The following PLEKHA3 variants were observed in gnomAD, a reference collection of about 807,000 sequenced individuals.
The protein encoded by PLEKHA3 is pleckstrin homology domain containing A3.
PLEKHA3 carries 19 observed loss-of-function variants against 39.2 expected under a neutral mutation model. The observed-to-expected ratio is 0.48, with a 90% confidence interval of 0.34 to 0.71. PLEKHA3 has a LOEUF of 0.71. PLEKHA3 is among the 30% of genes least tolerant of loss of function. PLEKHA3 has a pLI of 0.01. For synonymous variants in PLEKHA3, 97 were observed against 118.6 expected (o/e 0.82, Z 1.18); for missense variants, 253 against 359.5 (o/e 0.70, Z 2.40).
chr2:178,485,652 C>T lies in PLEKHA3; in HGVS notation c.52C>T (p.Arg18Cys). ...TATGGTCTTTTTAGGCTGGCAGCCTCGTTGGTTTGTTTTAGATAATGGAAT... is the reference window on the plus strand; with the variant it reads ...TATGGTCTTTTTAGGCTGGCAGCCTTGTTGGTTTGTTTTAGATAATGGAAT... ...WTNYLTGWQP[R>C]WFVLDNGILS... The change falls in exon 2 of 8, where the codon CGT (arginine) becomes TGT (cysteine). Residue 18 changes from arginine to cysteine, a missense_variant. This residue lies in a region of PLEKHA3 where 126 missense variants were observed against 222.7 expected (regional missense o/e 0.57). Transcript: ENST00000234453. 6.2e-7 allele frequency: 1 copy of T among 1,610,740 alleles called. No individual in the cohort carries two copies.
rs1685595747 is a variant in PLEKHA3, at chr2:178,505,916, G to C, written c.*2029G>C. 2.0e-5 allele frequency: 3 copies of C among 151,890 alleles called. No individual in the cohort carries two copies. In the South Asian group the frequency reaches 6.2e-4, roughly 31 times the overall value. The allele number at this position is 151,890 out of a possible 1,614,324, so 9.4% of individuals were successfully genotyped here. A position where few individuals can be genotyped will look rare whatever the true frequency, so the allele number is the denominator to read the frequency against. On this transcript the variant is annotated 3_prime_UTR_variant, in exon 8 of 8. Transcript: ENST00000234453. ...GAGCCACTTTTTGTTGTTATTGTTA[G>C]GAACCAAACACATCTGTGAAATCAT...
rs1327285817 is a variant in PLEKHA3 at position 178,515,098 on chromosome 2, G to A, written c.*11211G>A. 5 of 92,396 alleles carry A rather than the reference G, an allele frequency of 5.4e-5. No homozygotes were observed. The highest frequency in any genetic ancestry group is 1.1e-4 in the Non-Finnish European group (5 of 45,266). 5.7% of individuals were successfully genotyped at this position (92,396 alleles called of 1,614,324 possible). A position where few individuals can be genotyped will look rare whatever the true frequency, so the allele number is the denominator to read the frequency against. ...CTTCCTCTACTGTATGTTGGCATTT[G>A]CCACTTTTGGGGATTTGACTCCTGC... is the stretch of plus-strand genomic sequence containing the variant. On this transcript the variant is annotated 3_prime_UTR_variant, in exon 8 of 8. Transcript: ENST00000234453.
intron 2 of PLEKHA3, among the ~76,000 whole-genome samples, chr2:178,490,105 G>A (rs1685320511): frequency 6.6e-6 from 1 of 152,200 alleles, no homozygotes; most frequent in Non-Finnish European, 1.5e-5. Context: ...GGAGGTGTGT[G>A]TGTGCAGGAG....
In PLEKHA3 at chr2:178,508,053, G is replaced by GTGTGTC. The variant is rs1558932868; in HGVS notation, c.*4171_*4172insCTGTGT. 8.0e-5 allele frequency: 1 copy of GTGTGTC among 12,456 alleles called. No homozygotes were observed. The highest frequency in any genetic ancestry group is 2.7e-4 in the African/African-American group (1 of 3,772). 0.8% of individuals were successfully genotyped at this position (12,456 alleles called of 1,614,324 possible). ...AGATTTGTCTGCTTCAGTTCTGGGTGTGTGTGTGTGTGTGTGTGTGTGTGT... is the reference window on the plus strand; with the variant it reads ...AGATTTGTCTGCTTCAGTTCTGGGTGTGTGTCTGTGTGTGTGTGTGTGTGTGTGTGT... On this transcript the variant is annotated 3_prime_UTR_variant, in exon 8 of 8. Transcript: ENST00000234453.
Position 178,514,508 on chromosome 2 carries a change from C to A in PLEKHA3, c.*10621C>A, listed in dbSNP as rs1267302798. On this transcript the variant is annotated 3_prime_UTR_variant, in exon 8 of 8. Transcript: ENST00000234453. The stretch of plus-strand genomic sequence containing the variant: ...TCCAACTAGGATGAACTCTTAAGTT[C>A]ATACATATACTTTAAAATGGGAACA... 1 of 152,206 alleles carries A rather than the reference C, an allele frequency of 6.6e-6. No individual in the cohort carries two copies. Among genetic ancestry groups the A allele is most frequent in the South Asian group, 2.1e-4 (1 of 4,820 alleles). The allele number at this position is 152,206 out of a possible 1,614,324, so 9.4% of individuals were successfully genotyped here. A position where few individuals can be genotyped will look rare whatever the true frequency, so the allele number is the denominator to read the frequency against.
At chr2:178,495,991 G>A (rs1292215739) in intron 5 of PLEKHA3, among the ~76,000 whole-genome samples, 1 of 152,110 alleles carries the variant, frequency 6.6e-6, no homozygotes, top group Non-Finnish European at 1.5e-5. Context: ...TGCTTGGTAA[G>A]AATTACACAA....
intron 1 of PLEKHA3, among the ~76,000 whole-genome samples, chr2:178,483,617 A>T (rs376515950): frequency 6.6e-6 from 1 of 152,222 alleles, no homozygotes; most frequent in South Asian, 2.1e-4. Flanking sequence ...AATTTGTCCT[A>T]TAGGCACACT....
intron 2 of PLEKHA3, among the ~76,000 whole-genome samples, chr2:178,487,577 C>G (rs1414720056): frequency 6.6e-6 from 1 of 151,884 alleles, no homozygotes; most frequent in Non-Finnish European, 1.5e-5. Context: ...TAGCTGGGAC[C>G]AGAGGCACAT....
chr2:178,486,033 G>A (rs1685246422), intron 2 of PLEKHA3, among the ~76,000 whole-genome samples: 1 of 152,116 alleles, frequency 6.6e-6, no homozygotes, highest in African/African-American at 2.4e-5. Context: ...TACTACTTTA[G>A]TGTCCACCTT....
intron 3 of PLEKHA3, among the ~76,000 whole-genome samples, chr2:178,493,465 C>T (rs1685389715): frequency 6.6e-6 from 1 of 152,028 alleles, no homozygotes; most frequent in African/African-American, 2.4e-5. Flanking sequence ...TACAAACTAT[C>T]AGTTTATATT....
chr2:178,485,982 C>T (rs116570538), intron 2 of PLEKHA3, among the ~76,000 whole-genome samples: 1,767 of 152,264 alleles, frequency 0.012, 37 homozygotes, highest in African/African-American at 0.04. Context: ...ATAACTTTTG[C>T]TAGTCTTCCA....
rs1685665722 is a variant in PLEKHA3, at chr2:178,510,461, T to G, written c.*6574T>G. ...TACATGGAGTACAGAAATAGTAGAT[T>G]CCCTTCATTCCCAGTGCAACAGTGT... On this transcript the variant is annotated 3_prime_UTR_variant, in exon 8 of 8. Transcript: ENST00000234453. The G allele has an allele frequency of 6.5e-6, 1 of 153,716 alleles. No individual in the cohort carries two copies. The highest frequency in any genetic ancestry group is 6.5e-5 in the Admixed American group (1 of 15,274). The allele number at this position is 153,716 out of a possible 1,614,324, so 9.5% of individuals were successfully genotyped here. A position where few individuals can be genotyped will look rare whatever the true frequency, so the allele number is the denominator to read the frequency against.
intron 3 of PLEKHA3, 116 bp downstream of exon 3, chr2:178,490,930 G>T: frequency 1.3e-6 from 1 of 774,926 alleles, no homozygotes; most frequent in South Asian, 2.7e-5. Flanking sequence ...TAGAAATGTA[G>T]ATTTACGTAT....
chr2:178,488,193 C>T (rs929626004), intron 2 of PLEKHA3, among the ~76,000 whole-genome samples: 1 of 151,978 alleles, frequency 6.6e-6, no homozygotes, highest in Non-Finnish European at 1.5e-5. Flanking sequence ...CTAACTTTGG[C>T]TATCTTTCAT....
intron 5 of PLEKHA3, among the ~76,000 whole-genome samples, chr2:178,497,331 T>C (rs538243213): frequency 2.0e-3 from 308 of 152,016 alleles, no homozygotes; most frequent in African/African-American, 6.5e-3. Context: ...CCTGGGTTCA[T>C]GCCATTCTCC....
At position 178,515,861 on chromosome 2, in the gene PLEKHA3, A is replaced by G. The variant is rs900821195; in HGVS notation, c.*11974A>G. 7 of 152,008 alleles carry G rather than the reference A, an allele frequency of 4.6e-5. No homozygotes were observed. The highest frequency in any genetic ancestry group is 1.2e-4 in the African/African-American group (5 of 41,414). 9.4% of individuals were successfully genotyped at this position (152,008 alleles called of 1,614,324 possible). A position where few individuals can be genotyped will look rare whatever the true frequency, so the allele number is the denominator to read the frequency against. ...TAGTTGAATAGTATTTATCATTCAC[A>G]TTTGCACCCTAACTATTGTTTTAAC... On this transcript the variant is annotated 3_prime_UTR_variant, in exon 8 of 8. Transcript: ENST00000234453.
rs1685574696 is a variant in PLEKHA3 at position 178,504,424 on chromosome 2, T to C, written c.*537T>C. The stretch of plus-strand genomic sequence containing the variant: ...CTTTAGCCCAAATACCATGACATAT[T>C]GAGCATCTTTAAATAACCAGACTGT... On this transcript the variant is annotated 3_prime_UTR_variant, in exon 8 of 8. Coordinates refer to ENST00000234453, the MANE Select transcript of PLEKHA3 (RefSeq NM_019091.4). 6.6e-6 allele frequency: 1 copy of C among 152,558 alleles called. No homozygotes were observed. Among genetic ancestry groups the C allele is most frequent in the African/African-American group, 2.4e-5 (1 of 41,438 alleles). 9.5% of individuals were successfully genotyped at this position (152,558 alleles called of 1,614,324 possible).
In PLEKHA3 at chr2:178,515,887, C is replaced by T. The variant is rs774821572; in HGVS notation, c.*12000C>T. The T allele has an allele frequency of 5.9e-5, 9 of 151,888 alleles. No homozygotes were observed. The highest frequency in any genetic ancestry group is 1.2e-4 in the Non-Finnish European group (8 of 67,948). The allele number at this position is 151,888 out of a possible 1,614,324, so 9.4% of individuals were successfully genotyped here. A position where few individuals can be genotyped will look rare whatever the true frequency, so the allele number is the denominator to read the frequency against. On this transcript the variant is annotated 3_prime_UTR_variant, in exon 8 of 8. Coordinates refer to ENST00000234453, the MANE Select transcript of PLEKHA3 (RefSeq NM_019091.4). ...TTTGCACCCTAACTATTGTTTTAAC[C>T]TAAACATAAATAAGCAAGCATTAGA...
In PLEKHA3 at chr2:178,490,760, G is replaced by A. The variant is rs754256467; in HGVS notation, c.259G>A (p.Ala87Thr). Residue 87 changes from alanine (A) to threonine (T), a missense_variant, in exon 3 of 8, where the codon GCT becomes ACT. By Grantham distance (58) the Ala-to-Thr change is moderately conservative (BLOSUM62 0). Around this residue, in one of 2 missense-constraint regions of PLEKHA3, gnomAD observed 126 missense variants for 222.7 expected, o/e 0.57. Transcript: ENST00000234453. The stretch of plus-strand genomic sequence containing the variant: ...AGCTGAAAGACAGAGGTGGCTGGTC[G>A]CTCTGGGGAGCTCCAAAGCATGTTT... ...NAAERQRWLV[A>T]LGSSKACLTD... is the part of the protein sequence containing the mutation. 16 of 1,614,032 alleles carry A rather than the reference G, an allele frequency of 9.9e-6. No homozygotes were observed. Among genetic ancestry groups the A allele is most frequent in the South Asian group, 2.2e-5 (2 of 91,070 alleles).
Sources: gnomAD v4.1 joint callset for allele counts (sites outside exome capture counted in the v4.1 genomes callset) on GRCh38, gnomAD v4.1.1 for gene constraint, gnomAD v4.1.1 regional missense constraint, MANE v1.5 for transcripts, NCBI Gene and HGNC (gene_info 2026-07-23, HGNC 2026-07-21) for gene names.